Variants in ARL4C observed in about 807,000 individuals in gnomAD.
ARL4C encodes ARF like GTPase 4C.
ARL4C carries 5 observed loss-of-function variants against 12.8 expected under a neutral mutation model. The observed-to-expected ratio is 0.39, with a 90% CI of 0.20 to 0.82. The LOEUF is 0.82. ARL4C is among the 40% of genes least tolerant of loss of function. The pLI is 0.39. For synonymous variants in ARL4C, 119 were observed against 119.4 expected (o/e 1.00, Z 0.02); for missense variants, 148 against 265.2 (o/e 0.56, Z 3.07).
rs1691768447 is a variant in ARL4C at position 234,495,490 on chromosome 2, G to C, written c.*316C>G. On this transcript the variant is annotated 3_prime_UTR_variant, in exon 2 of 2. Coordinates refer to ENST00000339728, the MANE Select transcript of ARL4C (RefSeq NM_001282431.2). ...TCACAGCCCCTGAATGCAAGGAGAG[G>C]TGGTCCCCCCAGAACCAACATGCCC... 5.7e-6 allele frequency: 3 copies of C among 530,574 alleles called. No homozygotes were observed. The allele number at this position is 530,574 out of a possible 1,614,324, so 32.9% of individuals were successfully genotyped here.
In ARL4C at chr2:234,496,607, G is replaced by A. The variant is rs765731258; in HGVS notation, c.-21C>T. ...CCCATGGCTCCTGGCTGCGGCGCCA[G>A]CCACTGCGGCTGCGGCGGGAGGGCG... On this transcript the variant is annotated 5_prime_UTR_variant, in exon 1 of 2. Transcript: ENST00000339728. 2 of 1,462,406 alleles carry A rather than the reference G, an allele frequency of 1.4e-6. No homozygotes were observed. The highest frequency in any genetic ancestry group is 2.6e-5 in the East Asian group (1 of 39,124). The allele number at this position is 1,462,406 out of a possible 1,614,324, so 90.6% of individuals were successfully genotyped here. A position where few individuals can be genotyped will look rare whatever the true frequency, so the allele number is the denominator to read the frequency against.
chr2:234,496,574 A>G lies in ARL4C; in HGVS notation c.13T>C (p.Ser5Pro), dbSNP rs371040076. 2.6e-5 allele frequency: 41 copies of G among 1,564,062 alleles called. No individual in the cohort carries two copies. The highest frequency in any genetic ancestry group is 3.5e-6 in the Non-Finnish European group (4 of 1,154,798). The change falls in exon 1 of 2, where the codon TCC (serine) becomes CCC (proline). Residue 5 changes from serine to proline, a missense_variant. By Grantham distance (74) the Ser-to-Pro change is moderately conservative. Transcript: ENST00000339728. MGNI[S>P]SNISAFQSLH... ...GACTGGAAGGCCGAGATGTTAGAGGAGATGTTGCCCATGGCTCCTGGCTGC... is the reference window on the plus strand; with the variant it reads ...GACTGGAAGGCCGAGATGTTAGAGGGGATGTTGCCCATGGCTCCTGGCTGC...
rs966134932 is a variant in ARL4C at position 234,494,221 on chromosome 2, A to G, written c.*1585T>C. 2 of 152,672 alleles carry G rather than the reference A, an allele frequency of 1.3e-5. No individual in the cohort carries two copies. Among genetic ancestry groups the G allele is most frequent in the African/African-American group, 4.8e-5 (2 of 41,458 alleles). 9.5% of individuals were successfully genotyped at this position (152,672 alleles called of 1,614,324 possible). A position where few individuals can be genotyped will look rare whatever the true frequency, so the allele number is the denominator to read the frequency against. ...GAAAACATGGATTGTAAGAGGAAATAAAAAAATCAAACAGTATGTTTTAAG... is the reference window on the plus strand; with the variant it reads ...GAAAACATGGATTGTAAGAGGAAATGAAAAAATCAAACAGTATGTTTTAAG... On this transcript the variant is annotated 3_prime_UTR_variant, in exon 2 of 2. Transcript: ENST00000339728.
At position 234,495,515 on chromosome 2, in the gene ARL4C, C is replaced by T; in HGVS notation, c.*291G>A. ...GTGGTCCCCCCAGAACCAACATGCC[C>T]CCCAAGGTGGGTACGCCCACGGTTC... On this transcript the variant is annotated 3_prime_UTR_variant, in exon 2 of 2. Transcript: ENST00000339728. The T allele has an allele frequency of 7.0e-6, 4 of 572,756 alleles. No homozygotes were observed. Among genetic ancestry groups the T allele is most frequent in the South Asian group, 6.1e-5 (3 of 49,062 alleles). The allele number at this position is 572,756 out of a possible 1,614,324, so 35.5% of individuals were successfully genotyped here.
Position 234,496,181 on chromosome 2 carries a change from G to A in ARL4C, c.406C>T (p.Pro136Ser). Residue 136 changes from proline to serine, a missense_variant, in exon 1 of 2, where the codon CCG becomes TCG. Transcript: ENST00000339728. ...ANKQDLPKSLPVAEIEKQLAL... is the reference protein window; with the variant it reads ...ANKQDLPKSLSVAEIEKQLAL... Reference sequence around the variant, plus strand: ...AGCTGCTTCTCAATCTCTGCCACCGGCAGCGACTTGGGCAGGTCCTGCTTG... The same window carrying A: ...AGCTGCTTCTCAATCTCTGCCACCGACAGCGACTTGGGCAGGTCCTGCTTG... 6.2e-7 allele frequency: 1 copy of A among 1,610,816 alleles called. No homozygotes were observed. Among genetic ancestry groups the A allele is most frequent in the Non-Finnish European group, 8.5e-7 (1 of 1,178,500 alleles).
rs1691796905 is a variant in ARL4C, at chr2:234,496,990, CCG to C, written c.-406_-405del. 2.0e-5 allele frequency: 1 copy of C among 50,670 alleles called. No individual in the cohort carries two copies. The highest frequency in any genetic ancestry group is 3.9e-5 in the Non-Finnish European group (1 of 25,660). 3.1% of individuals were successfully genotyped at this position (50,670 alleles called of 1,614,324 possible). On this transcript the variant is annotated 5_prime_UTR_variant, in exon 1 of 2. Transcript: ENST00000339728. ...GACGGCGCTGCTCCTGCTCCTGCTC[CCG>C]CTCCCGCTCCCGGAGCGCGGGCTTC...
chr2:234,493,352 G>C lies in ARL4C; in HGVS notation c.*2454C>G, dbSNP rs545303578. The stretch of plus-strand genomic sequence containing the variant: ...ATAAATCACCCATTGATACATTGGT[G>C]GGGGGCTCCCTGTCCCCCTGGTGAC... On this transcript the variant is annotated 3_prime_UTR_variant, in exon 2 of 2. Coordinates refer to ENST00000339728, the MANE Select transcript of ARL4C (RefSeq NM_001282431.2). The C allele has an allele frequency of 6.6e-6, 1 of 152,250 alleles. No individual in the cohort carries two copies. Among genetic ancestry groups the C allele is most frequent in the Non-Finnish European group, 1.5e-5 (1 of 68,058 alleles). 9.4% of individuals were successfully genotyped at this position (152,250 alleles called of 1,614,324 possible).
In ARL4C at chr2:234,496,283, C is replaced by T. The variant is rs773437794; in HGVS notation, c.304G>A (p.Glu102Lys). ...VVDSVDVDRL[E>K]EAKTELHKVT... ...TTGTGCAGCTCCGTCTTGGCCTCCTCCAGCCGGTCCACGTCCACCGAGTCC... is the reference window on the plus strand; with the variant it reads ...TTGTGCAGCTCCGTCTTGGCCTCCTTCAGCCGGTCCACGTCCACCGAGTCC... The change falls in exon 1 of 2, where the codon GAG (glutamate) becomes AAG (lysine). Residue 102 changes from glutamate to lysine, a missense_variant. Physicochemically the swap from Glu to Lys is moderately conservative, Grantham distance 56. This residue lies in a region of ARL4C where 27 missense variants were observed against 25.6 expected (regional missense o/e 1.06). Coordinates refer to ENST00000339728, the MANE Select transcript of ARL4C (RefSeq NM_001282431.2). 6.2e-7 allele frequency: 1 copy of T among 1,603,028 alleles called. No homozygotes were observed. Among genetic ancestry groups the T allele is most frequent in the Admixed American group, 1.7e-5 (1 of 58,880 alleles).
At position 234,493,852 on chromosome 2, in the gene ARL4C, C is replaced by T. The variant is rs1176990460; in HGVS notation, c.*1954G>A. 6.6e-6 allele frequency: 1 copy of T among 152,494 alleles called. No individual in the cohort carries two copies. The highest frequency in any genetic ancestry group is 1.5e-5 in the Non-Finnish European group (1 of 68,026). The allele number at this position is 152,494 out of a possible 1,614,324, so 9.4% of individuals were successfully genotyped here. ...AGTGGATATGCTGTCGATATGTAAA[C>T]TGAAATCTTGCAGGCTTTTCAACAC... is the stretch of plus-strand genomic sequence containing the variant. On this transcript the variant is annotated 3_prime_UTR_variant, in exon 2 of 2. Coordinates refer to ENST00000339728, the MANE Select transcript of ARL4C (RefSeq NM_001282431.2).
At position 234,496,040 on chromosome 2, in the gene ARL4C, T is replaced by C. The variant is rs774663466; in HGVS notation, c.547A>G (p.Arg183Gly). The part of the protein sequence containing the change: ...DKLYEMILKR[R>G]KSLKQKKKRT... ...TTCTTCTTCTGCTTGAGGGACTTCC[T>C]GCGTTTCAGGATCATCTCATAGAGC... The change falls in exon 1 of 2, where the codon AGG becomes GGG. Residue 183 changes from arginine to glycine, a missense_variant. Arg to Gly is a moderately radical substitution (Grantham distance 125). Transcript: ENST00000339728. 18 of 1,606,480 alleles carry C rather than the reference T, an allele frequency of 1.1e-5. No homozygotes were observed. Among genetic ancestry groups the C allele is most frequent in the Admixed American group, 1.7e-5 (1 of 59,344 alleles).
Sources: allele counts gnomAD v4.1 joint callset, GRCh38; gene constraint gnomAD v4.1.1; regional missense constraint gnomAD v4.1.1; transcripts MANE v1.5; gene names NCBI Gene and HGNC (gene_info 2026-07-23, HGNC 2026-07-21).